Variants in SGCG observed in about 807,000 individuals in gnomAD.
SGCG encodes the protein sarcoglycan gamma.
A neutral mutation model predicts 29.3 loss-of-function variants in SGCG; 26 were observed. That is an observed-to-expected ratio of 0.89 (90% CI 0.65 to 1.23). The LOEUF (loss-of-function observed/expected upper bound fraction) is 1.23, where lower values mean the gene tolerates loss of function less well. Ranked by LOEUF, SGCG falls within the 50% of genes most tolerant of loss-of-function variation. The pLI, the probability that SGCG is intolerant of heterozygous loss-of-function variation, is 0.00. For missense variants in SGCG, 353 were observed against 356.0 expected (o/e 0.99, Z 0.07); for synonymous variants, 145 against 129.7 (o/e 1.12, Z -0.80).
chr13:23,204,802 A>C (rs1259767449), intron 2 of SGCG, among the ~76,000 whole-genome samples: 1 of 149,762 alleles, frequency 6.7e-6, no homozygotes. Context: ...ACCTCTGCAC[A>C]GGCTCTTTCT....
chr13:23,193,544 C>T (rs898061115), intron 1 of SGCG, among the ~76,000 whole-genome samples: 1 of 151,958 alleles, frequency 6.6e-6, no homozygotes, highest in African/African-American at 2.4e-5. Context: ...ATTGTGATGG[C>T]ACTCATGCTT....
chr13:23,172,977 T>G, the SGCG span, among the ~76,000 whole-genome samples: 1 of 152,222 alleles, frequency 6.6e-6, no homozygotes, highest in Non-Finnish European at 1.5e-5. Context: ...TATTAATATT[T>G]TTTGTGTTTG....
intron 2 of SGCG, among the ~76,000 whole-genome samples, chr13:23,231,846 C>T (rs1057265886): frequency 2.6e-5 from 4 of 152,110 alleles, no homozygotes; most frequent in Non-Finnish European, 4.4e-5. Flanking sequence ...AGGCCAGGCA[C>T]GGTGGCTCAC....
intron 1 of SGCG, among the ~76,000 whole-genome samples, chr13:23,190,449 C>A (rs910664387): frequency 9.2e-5 from 14 of 152,214 alleles, no homozygotes; most frequent in African/African-American, 2.9e-4. Context: ...CTATGCTAAA[C>A]ATTATTCTGG....
chr13:23,262,955 T>A (rs1038813613), intron 4 of SGCG, among the ~76,000 whole-genome samples: 6 of 151,808 alleles, frequency 4.0e-5, no homozygotes, highest in African/African-American at 1.4e-4. Flanking sequence ...TGTTTCAAAG[T>A]GAATAAGAGT....
intron 2 of SGCG, among the ~76,000 whole-genome samples, chr13:23,213,410 A>T (rs1770354914): frequency 6.6e-6 from 1 of 152,196 alleles, no homozygotes; most frequent in Non-Finnish European, 1.5e-5. Flanking sequence ...TGAACCCAGA[A>T]AGTAGGGGTT....
intron 2 of SGCG, among the ~76,000 whole-genome samples, chr13:23,230,575 C>T (rs7330239): frequency 0.67 from 102,283 of 152,018 alleles, 34,798 homozygotes; most frequent in East Asian, 0.91. Context: ...CTGATTTGGC[C>T]CTCAGCTTAG....
intron 3 of SGCG, chr13:23,244,759 C>T (rs1879635964): frequency 6.6e-6 from 1 of 152,060 alleles, no homozygotes; most frequent in Non-Finnish European, 1.5e-5. Context: ...ACGACTTCTC[C>T]AAGGCGCTTT....
At chr13:23,259,283 T>A (rs1317481461) in intron 4 of SGCG, among the ~76,000 whole-genome samples, 1 of 152,208 alleles carries the variant, frequency 6.6e-6, no homozygotes, top group African/African-American at 2.4e-5. Flanking sequence ...AGGGTGTATG[T>A]GTCCAGGAAA....
intron 1 of SGCG, among the ~76,000 whole-genome samples, chr13:23,195,551 G>T (rs921603744): frequency 1.3e-5 from 2 of 151,716 alleles, no homozygotes; most frequent in African/African-American, 4.8e-5. Context: ...ATACTTAAAG[G>T]GCATTTATTC....
intron 6 of SGCG, among the ~76,000 whole-genome samples, chr13:23,297,830 T>C (rs1881966970): frequency 6.6e-6 from 1 of 151,694 alleles, no homozygotes; most frequent in Non-Finnish European, 1.5e-5. Context: ...CTGCAACCTC[T>C]GCCTCCCGGA....
chr13:23,195,617 T>C (rs1288123701), intron 1 of SGCG, among the ~76,000 whole-genome samples: 1 of 152,152 alleles, frequency 6.6e-6, no homozygotes, highest in Non-Finnish European at 1.5e-5. Flanking sequence ...TTTGCCATTT[T>C]ATTTTAAAAG....
chr13:23,287,799 A>T (rs1221831229), intron 5 of SGCG, among the ~76,000 whole-genome samples: 2 of 151,960 alleles, frequency 1.3e-5, no homozygotes, highest in African/African-American at 4.8e-5. Flanking sequence ...CTCTGTGGCC[A>T]GGCTGGGTGT....
At chr13:23,222,009 A>T (rs1036202110) in intron 2 of SGCG, among the ~76,000 whole-genome samples, 9 of 152,218 alleles carry the variant, frequency 5.9e-5, no homozygotes. Context: ...GCTGAAGTGG[A>T]AGGTGATAAG....
intron 1 of SGCG, among the ~76,000 whole-genome samples, chr13:23,187,127 C>T (rs1011011859): frequency 4.6e-5 from 7 of 152,178 alleles, no homozygotes; most frequent in Non-Finnish European, 8.8e-5. Flanking sequence ...TCCCTCCCTG[C>T]CACCATTCTG....
intron 6 of SGCG, among the ~76,000 whole-genome samples, chr13:23,296,770 T>C (rs1042142935): frequency 1.3e-5 from 2 of 152,204 alleles, no homozygotes; most frequent in African/African-American, 4.8e-5. Context: ...TATATAAAAA[T>C]CACCCAGTTC....
chr13:23,229,558 T>G (rs1012247602), intron 2 of SGCG, among the ~76,000 whole-genome samples: 1 of 151,418 alleles, frequency 6.6e-6, no homozygotes, highest in Non-Finnish European at 1.5e-5. Context: ...TGAACATTTT[T>G]TCATGTGCTT....
rs183982319 is a variant in SGCG at position 23,220,975 on chromosome 13, A to C, written c.196-13636A>C. ...CAGGATCACTGTAACATTGAGAGGA[A>C]ATTTTATAAAAATCGTATCATTGAA... On this transcript the variant is annotated intron_variant, in intron 2 of 7. Coordinates refer to ENST00000218867, the MANE Select transcript of SGCG (RefSeq NM_000231.3). Among the ~76,000 whole-genome samples the C allele has an allele frequency of 1.3e-3, 201 of 152,312 alleles. 2 individuals are homozygous for C. Among genetic ancestry groups the C allele is most frequent in the African/African-American group, 4.6e-3 (193 of 41,572 alleles).
chr13:23,212,758 A>C lies in SGCG; in HGVS notation c.195+8869A>C, dbSNP rs543790022. 2.0e-5 allele frequency among the ~76,000 whole-genome samples: 3 copies of C among 152,220 alleles called. No homozygotes were observed. The East Asian group carries it at 5.8e-4, about 29-fold the overall frequency. On this transcript the variant is annotated intron_variant, in intron 2 of 7. Transcript: ENST00000218867. Reference sequence around the variant, plus strand: ...ATACTGCTAAGCTGCTTCCCAAGAGAGGCTGGTGGATTGGGTCTGGGGAGG... The same window carrying C: ...ATACTGCTAAGCTGCTTCCCAAGAGCGGCTGGTGGATTGGGTCTGGGGAGG...
Sources: gnomAD v4.1 joint callset for allele counts (sites outside exome capture counted in the v4.1 genomes callset) on GRCh38, gnomAD v4.1.1 for gene constraint, MANE v1.5 for transcripts, NCBI Gene and HGNC (gene_info 2026-07-23, HGNC 2026-07-21) for gene names.